RAB31: variants seen among roughly 807,000 people sequenced by gnomAD.
The protein encoded by RAB31 is ras-related protein Rab-31.
In RAB31, 21 loss-of-function variants were observed where a neutral mutation model predicts 25.6. The observed-to-expected ratio is 0.82, with a 90% CI of 0.58 to 1.18. The LOEUF (loss-of-function observed/expected upper bound fraction) is 1.18. Among genes scored for constraint, RAB31 ranks in the 50% most tolerant of loss-of-function variants. The probability of loss-of-function intolerance (pLI) is 0.00; values close to 1 mark genes in which losing one functional copy is unlikely to be tolerated. For synonymous variants in RAB31, 87 were observed against 84.0 expected, an observed-to-expected ratio of 1.04 and a Z score of -0.20; for missense variants, 196 against 250.1, an observed-to-expected ratio of 0.78 and a Z score of 1.46.
intron 1 of RAB31, among the ~76,000 whole-genome samples, chr18:9,716,117 G>A (rs1040674023): frequency 1.3e-5 from 2 of 152,130 alleles, no homozygotes; most frequent in Non-Finnish European, 2.9e-5. Flanking sequence ...TGGTTGTCCT[G>A]TCTCTTTAGT....
intron 1 of RAB31, among the ~76,000 whole-genome samples, chr18:9,759,020 G>A (rs1349366706): frequency 6.6e-6 from 1 of 151,964 alleles, no homozygotes; most frequent in African/African-American, 2.4e-5. Flanking sequence ...CAAGCAGTGT[G>A]CGGCTTTGAG....
At chr18:9,833,787 T>G (rs1034009570) in intron 5 of RAB31, among the ~76,000 whole-genome samples, 1 of 152,222 alleles carries the variant, frequency 6.6e-6, no homozygotes, top group Non-Finnish European at 1.5e-5. Flanking sequence ...TGAGCTGTTA[T>G]TAGAAAATAG....
intron 5 of RAB31, among the ~76,000 whole-genome samples, chr18:9,832,975 G>T (rs1240733283): frequency 2.7e-5 from 4 of 148,218 alleles, no homozygotes; most frequent in Non-Finnish European, 5.9e-5. Flanking sequence ...GAGAACTCCC[G>T]TGATGGGGTC....
intron 1 of RAB31, among the ~76,000 whole-genome samples, chr18:9,741,615 C>T (rs186465436): frequency 1.1e-4 from 17 of 152,226 alleles, no homozygotes; most frequent in East Asian, 5.8e-4. Flanking sequence ...ACTTGTCCTG[C>T]GCCAGTGCCA....
chr18:9,734,613 A>G (rs919202076), intron 1 of RAB31, among the ~76,000 whole-genome samples: 1 of 152,114 alleles, frequency 6.6e-6, no homozygotes, highest in Non-Finnish European at 1.5e-5. Flanking sequence ...GGGTGCAGAA[A>G]GGATCCCGGA....
chr18:9,749,432 C>T (rs981716790), intron 1 of RAB31, among the ~76,000 whole-genome samples: 1 of 152,190 alleles, frequency 6.6e-6, no homozygotes, highest in Non-Finnish European at 1.5e-5. Flanking sequence ...ATTCCAGAGC[C>T]CAGGCTCTCA....
Position 9,860,868 on chromosome 18 carries a change from C to T in RAB31, c.*1543C>T, listed in dbSNP as rs146223863. On this transcript the variant is annotated 3_prime_UTR_variant, in exon 7 of 7. Coordinates refer to ENST00000578921, the MANE Select transcript of RAB31 (RefSeq NM_006868.4). ...CTCAGCACGCTTCCACTTCACTCAA[C>T]TTAAGAGAGTTCATTGACAGTGTTA... 415 of 152,274 alleles carry T rather than the reference C, an allele frequency of 2.7e-3. 3 individuals are homozygous for T. The highest frequency in any genetic ancestry group is 9.5e-3 in the African/African-American group (393 of 41,556). 9.4% of individuals were successfully genotyped at this position (152,274 alleles called of 1,614,324 possible).
At chr18:9,781,582 T>C (rs1426244965) in intron 2 of RAB31, among the ~76,000 whole-genome samples, 1 of 152,242 alleles carries the variant, frequency 6.6e-6, no homozygotes, top group Non-Finnish European at 1.5e-5. Flanking sequence ...CAAAGGAGTT[T>C]ACAGGCGTGA....
chr18:9,743,806 CCT>C (rs1402611839), intron 1 of RAB31, among the ~76,000 whole-genome samples: 3 of 152,240 alleles, frequency 2.0e-5, no homozygotes, highest in African/African-American at 7.2e-5. Flanking sequence ...ACCTCCAGGA[CCT>C]CTGTCTTTTG....
chr18:9,742,113 G>A lies in RAB31; in HGVS notation c.40-33165G>A, dbSNP rs114168435. ...AAGACCACCCGGCAAAGCACTGGCA[G>A]GGCTCGAAGTGGGAAGGCAAGGTCA... On this transcript the variant is annotated intron_variant, in intron 1 of 6. Transcript: ENST00000578921. Among the ~76,000 whole-genome samples, 1,359 of 152,338 alleles carry A rather than the reference G, an allele frequency of 8.9e-3. 17 individuals are homozygous for A. The highest frequency in any genetic ancestry group is 0.03 in the African/African-American group (1,253 of 41,576).
chr18:9,795,188 A>G (rs1178719424), intron 3 of RAB31, among the ~76,000 whole-genome samples: 1 of 152,228 alleles, frequency 6.6e-6, no homozygotes, highest in Non-Finnish European at 1.5e-5. Flanking sequence ...GGCAATCCAC[A>G]TGTAGGAGAA....
chr18:9,715,617 C>T (rs2092043358), intron 1 of RAB31, among the ~76,000 whole-genome samples: 1 of 151,566 alleles, frequency 6.6e-6, no homozygotes. Context: ...GCAACCTCCA[C>T]CTCCTGGGTT....
chr18:9,824,522 A>G (rs1427966122), intron 5 of RAB31, among the ~76,000 whole-genome samples: 3 of 152,078 alleles, frequency 2.0e-5, no homozygotes, highest in African/African-American at 7.2e-5. Flanking sequence ...AAGCTTGTCA[A>G]TTCTTGGAAG....
chr18:9,718,261 T>G (rs1020557878), intron 1 of RAB31, among the ~76,000 whole-genome samples: 1 of 152,068 alleles, frequency 6.6e-6, no homozygotes, highest in African/African-American at 2.4e-5. Context: ...TTCTGAATTT[T>G]TTTGTTTGTT....
At chr18:9,854,741 A>G (rs2068807272) in intron 6 of RAB31, among the ~76,000 whole-genome samples, 2 of 152,164 alleles carry the variant, frequency 1.3e-5, no homozygotes, top group Non-Finnish European at 2.9e-5. Context: ...CCAGTTCTGC[A>G]TTATTAGGGC....
intron 2 of RAB31, chr18:9,787,035 G>C (rs1165551380): frequency 5.2e-5 from 10 of 190,690 alleles, no homozygotes; most frequent in Admixed American, 5.0e-4. Flanking sequence ...TTAAAAATCA[G>C]CTTGGATTAA....
At chr18:9,711,953 G>T (rs1025645760) in intron 1 of RAB31, among the ~76,000 whole-genome samples, 1 of 152,198 alleles carries the variant, frequency 6.6e-6, no homozygotes, top group African/African-American at 2.4e-5. Flanking sequence ...GGCAGTAGGC[G>T]CTTTCAGCAC....
chr18:9,729,992 G>A (rs1231948887), intron 1 of RAB31, among the ~76,000 whole-genome samples: 2 of 152,086 alleles, frequency 1.3e-5, no homozygotes, highest in Non-Finnish European at 2.9e-5. Context: ...TGGTAAATAC[G>A]TGGTAGATTC....
At chr18:9,796,942 A>C in intron 3 of RAB31, among the ~76,000 whole-genome samples, 1 of 152,328 alleles carries the variant, frequency 6.6e-6, no homozygotes, top group South Asian at 2.1e-4. Flanking sequence ...AATAAAACAC[A>C]TTTTCTTAAA....
Sources: allele counts gnomAD v4.1 joint callset (sites outside exome capture counted in the v4.1 genomes callset), GRCh38; gene constraint gnomAD v4.1.1; transcripts MANE v1.5; gene names NCBI Gene and HGNC (gene_info 2026-07-23, HGNC 2026-07-21).